Variants in L2HGDH observed in about 807,000 individuals in gnomAD.
The protein encoded by L2HGDH is L-2-hydroxyglutarate dehydrogenase.
In L2HGDH, 34 loss-of-function variants were observed where a neutral mutation model predicts 51.5. The ratio of observed to expected loss-of-function variants is 0.66; its 90% CI spans 0.50 to 0.88. The LOEUF (loss-of-function observed/expected upper bound fraction) is 0.88, where lower values mean the gene tolerates loss of function less well. L2HGDH is among the 40% of genes least tolerant of loss of function. The pLI is 0.00. For synonymous variants in L2HGDH, 198 were observed against 197.9 expected (o/e 1.00, Z -0.01); for missense variants, 558 against 571.9 (o/e 0.98, Z 0.25).
chr14:50,292,598 C>T (rs149366313), intron 4 of L2HGDH, among the ~76,000 whole-genome samples: 2,118 of 152,038 alleles, frequency 0.014, 24 homozygotes, highest in Middle Eastern at 0.024. Context: ...CCCAGCTACT[C>T]GGGAGGCTGA....
At chr14:50,258,550 G>GT (rs1271936319) in intron 9 of L2HGDH, among the ~76,000 whole-genome samples, 2 of 151,810 alleles carry the variant, frequency 1.3e-5, no homozygotes, top group Non-Finnish European at 2.9e-5. Flanking sequence ...GTCTTGCTCT[G>GT]TCACCCAGGC....
At chr14:50,293,605 C>T (rs1385055251) in intron 4 of L2HGDH, among the ~76,000 whole-genome samples, 2 of 152,090 alleles carry the variant, frequency 1.3e-5, no homozygotes, top group Non-Finnish European at 2.9e-5. Context: ...AAGTGAAATG[C>T]TGCAATCCCA....
intron 3 of L2HGDH, among the ~76,000 whole-genome samples, chr14:50,295,745 C>CA (rs1312239380): frequency 7.6e-6 from 1 of 131,498 alleles, no homozygotes; most frequent in Non-Finnish European, 1.6e-5. Flanking sequence ...TTCATAGCAT[C>CA]TTTTTTTTTT....
chr14:50,302,081 T>C lies in L2HGDH; in HGVS notation c.344A>G (p.Gln115Arg), dbSNP rs1230661509. Residue 115 changes from glutamine to arginine, a missense_variant, in exon 3 of 10, where the codon CAA (glutamine) becomes CGA (arginine). Physicochemically the swap from Gln to Arg is conservative, Grantham distance 43. Around this residue, in one of 3 missense-constraint regions of L2HGDH, gnomAD observed 194 missense variants for 187.2 expected, o/e 1.04. Coordinates refer to ENST00000267436, the MANE Select transcript of L2HGDH (RefSeq NM_024884.3). The part of the protein sequence containing the change: ...PESLKAKLCV[Q>R]GAALLYEYCQ... The stretch of plus-strand genomic sequence containing the variant: ...GTACTCATAGAGGAGGGCTGCACCT[T>C]GTACACATAATTTGGCTTTCAGAGA... The C allele has an allele frequency of 6.2e-7, 1 of 1,614,150 alleles. No homozygotes were observed. Among genetic ancestry groups the C allele is most frequent in the East Asian group, 2.2e-5 (1 of 44,870 alleles).
intron 4 of L2HGDH, among the ~76,000 whole-genome samples, chr14:50,286,568 C>G (rs1175643031): frequency 2.0e-5 from 3 of 152,130 alleles, no homozygotes; most frequent in Non-Finnish European, 4.4e-5. Flanking sequence ...ATTCCTATAG[C>G]AGTGGTAAGG....
intron 1 of L2HGDH, among the ~76,000 whole-genome samples, chr14:50,310,753 C>T (rs1056665950): frequency 1.3e-5 from 2 of 151,870 alleles, no homozygotes; most frequent in African/African-American, 2.4e-5. Context: ...CTTTCACTAG[C>T]CCTACTTTTC....
chr14:50,268,401 A>AG (rs1889472502), intron 7 of L2HGDH, among the ~76,000 whole-genome samples: 1 of 150,896 alleles, frequency 6.6e-6, no homozygotes, highest in South Asian at 2.1e-4. Context: ...AAAAAAAAAA[A>AG]GAAACTCTGA....
At chr14:50,252,743 T>C (rs1888438868) in intron 9 of L2HGDH, among the ~76,000 whole-genome samples, 1 of 152,040 alleles carries the variant, frequency 6.6e-6, no homozygotes, top group South Asian at 2.1e-4. Context: ...GACATAATGA[T>C]TGTAAATATA....
At chr14:50,311,032 C>A (rs935514208) in intron 1 of L2HGDH, among the ~76,000 whole-genome samples, 3 of 149,786 alleles carry the variant, frequency 2.0e-5, no homozygotes, top group African/African-American at 7.4e-5. Flanking sequence ...CAATCTCCGC[C>A]TCCCAGGTTC....
intron 9 of L2HGDH, among the ~76,000 whole-genome samples, chr14:50,257,664 C>T (rs1888751027): frequency 6.6e-6 from 1 of 152,102 alleles, no homozygotes; most frequent in Admixed American, 6.6e-5. Flanking sequence ...GGCCACCAAG[C>T]CTAGCCTGAG....
intron 9 of L2HGDH, among the ~76,000 whole-genome samples, chr14:50,263,284 T>C (rs1178395206): frequency 6.6e-6 from 1 of 152,202 alleles, no homozygotes; most frequent in East Asian, 1.9e-4. Flanking sequence ...ATAAAAGCCC[T>C]TACTTATAAG....
Position 50,281,332 on chromosome 14 carries a change from C to A in L2HGDH, c.703+2539G>T, listed in dbSNP as rs916047489. The stretch of plus-strand genomic sequence containing the variant: ...TTCAAGCTGGGTGCAGTAGCTCGCT[C>A]CTGTAATCCCAGCACTTTGGGAGGC... On this transcript the variant is annotated intron_variant, in intron 5 of 9. Coordinates refer to ENST00000267436, the MANE Select transcript of L2HGDH (RefSeq NM_024884.3). 5.9e-5 allele frequency among the ~76,000 whole-genome samples: 9 copies of A among 152,298 alleles called. 1 individual carries two copies. The highest frequency in any genetic ancestry group is 3.4e-3 in the Middle Eastern group (1 of 294).
chr14:50,267,150 TTTA>T (rs869214921), intron 8 of L2HGDH, among the ~76,000 whole-genome samples: 21 of 32,370 alleles, frequency 6.5e-4, no homozygotes, highest in African/African-American at 1.5e-3. Flanking sequence ...TTTATTTTTA[TTTA>T]TTTATTTATT....
At chr14:50,294,910 T>G (rs760780632) in intron 3 of L2HGDH, among the ~76,000 whole-genome samples, 9 of 152,136 alleles carry the variant, frequency 5.9e-5, no homozygotes, top group Non-Finnish European at 1.0e-4. Context: ...ATATTAGAAT[T>G]CACAAGTCAT....
At chr14:50,294,324 TC>T (rs1456241522) in intron 3 of L2HGDH, 78 bp from the exon 4 acceptor site, 41 of 1,449,582 alleles carry the variant, frequency 2.8e-5, no homozygotes, top group Non-Finnish European at 3.9e-5. Context: ...CAATGGAAAA[TC>T]ATCAACTATT....
chr14:50,290,752 C>A (rs1890829491), intron 4 of L2HGDH, among the ~76,000 whole-genome samples: 1 of 152,030 alleles, frequency 6.6e-6, no homozygotes, highest in South Asian at 2.1e-4. Context: ...CAACCTCCGC[C>A]TCCCGGGTTC....
intron 6 of L2HGDH, among the ~76,000 whole-genome samples, chr14:50,270,853 A>G (rs1412106879): frequency 6.6e-6 from 1 of 151,980 alleles, no homozygotes; most frequent in Admixed American, 6.6e-5. Context: ...TTTCACCTCT[A>G]TATGTATCCT....
At chr14:50,259,061 C>T (rs1888842897) in intron 9 of L2HGDH, among the ~76,000 whole-genome samples, 1 of 148,084 alleles carries the variant, frequency 6.8e-6, no homozygotes, top group Admixed American at 6.8e-5. Context: ...TCTCATATTG[C>T]CCAGAATGGT....
In L2HGDH at chr14:50,247,088, T is replaced by C. The variant is rs771245888; in HGVS notation, c.1362A>G (p.Ala454=). Residue 454 remains alanine (A), a synonymous_variant, in exon 10 of 10, where the codon GCA becomes GCG. Transcript: ENST00000267436. ...TSSIAISGMI[A]DEVQQRFEL is the part of the protein sequence containing the mutation. ...ATTCAAATCTTTGTTGTACTTCATC[T>C]GCAATCATTCCAGAAATTGCAATGG... 2 of 1,613,810 alleles carry C rather than the reference T, an allele frequency of 1.2e-6. No homozygotes were observed. The highest frequency in any genetic ancestry group is 2.2e-5 in the East Asian group (1 of 44,886).
Sources: gnomAD v4.1 joint callset for allele counts (sites outside exome capture counted in the v4.1 genomes callset) on GRCh38, gnomAD v4.1.1 for gene constraint, gnomAD v4.1.1 regional missense constraint, MANE v1.5 for transcripts, NCBI Gene and HGNC (gene_info 2026-07-23, HGNC 2026-07-21) for gene names.